The following SYNE1 variants were observed in gnomAD, a reference collection of about 807,000 sequenced individuals.
The protein encoded by SYNE1 is nesprin-1.
A neutral mutation model predicts 1,111.0 loss-of-function variants in SYNE1; 616 were observed. The ratio of observed to expected loss-of-function variants is 0.55; its 90% confidence interval spans 0.52 to 0.59. The LOEUF is 0.59. SYNE1 is among the 20% of genes least tolerant of loss of function. SYNE1 has a pLI of 0.00. For synonymous variants in SYNE1, 3,855 were observed against 3,825.8 expected (o/e 1.01, Z -0.28); for missense variants, 10,006 against 10,417.0 (o/e 0.96, Z 1.72).
chr6:152,223,495 C>T (rs564124276), intron 117 of SYNE1, among the ~76,000 whole-genome samples: 16 of 152,118 alleles, frequency 1.1e-4, no homozygotes, highest in African/African-American at 2.9e-4. Context: ...AGGCACATGC[C>T]GTAATCCCAG....
intron 109 of SYNE1, 95 bp from the exon 110 acceptor site, chr6:152,236,398 C>CTG (rs1201500644): frequency 1.1e-6 from 1 of 908,628 alleles, no homozygotes; most frequent in East Asian, 2.6e-5. Flanking sequence ...TTCCCATTAC[C>CTG]TGTTATTCAA....
In SYNE1 at chr6:152,628,451, C is replaced by A; in HGVS notation, c.-120G>T. 9.8e-7 allele frequency: 1 copy of A among 1,020,700 alleles called. No individual in the cohort carries two copies. Among genetic ancestry groups the A allele is most frequent in the Middle Eastern group, 2.0e-4 (1 of 4,966 alleles). The allele number at this position is 1,020,700 out of a possible 1,614,324, so 63.2% of individuals were successfully genotyped here. A position where few individuals can be genotyped will look rare whatever the true frequency, so the allele number is the denominator to read the frequency against. ...AGATCTATTCTGTCATAAATGAATT[C>A]CAGGCCTTTGCAGCACTCAACAAGG... On this transcript the variant is annotated 5_prime_UTR_variant, in exon 3 of 146. Transcript: ENST00000367255.
chr6:152,167,634 T>C, intron 130 of SYNE1: 1 of 432,160 alleles, frequency 2.3e-6, no homozygotes, highest in Non-Finnish European at 4.7e-6. Context: ...AAAGCAACTT[T>C]CTCAAACACA....
Position 152,413,413 on chromosome 6 carries a change from C to T in SYNE1, c.6169G>A (p.Asp2057Asn), listed in dbSNP as rs1483617774. 2 of 1,614,130 alleles carry T rather than the reference C, an allele frequency of 1.2e-6. No homozygotes were observed. Among genetic ancestry groups the T allele is most frequent in the South Asian group, 2.2e-5 (2 of 91,082 alleles). ...QKDVAFAPEV[D>N]REINRLEVTW... ...ACCTCTAAGCGGTTTATCTCCCTGT[C>T]AACTTCAGGTGCAAAAGCTACATCT... The change falls in exon 42 of 146, where the codon GAC (aspartate) becomes AAC (asparagine). Residue 2057 changes from aspartate to asparagine, a missense_variant. Transcript: ENST00000367255.
intron 87 of SYNE1, among the ~76,000 whole-genome samples, chr6:152,314,566 G>A (rs574083831): frequency 6.6e-6 from 1 of 152,054 alleles, no homozygotes; most frequent in East Asian, 1.9e-4. Flanking sequence ...CCTTCTATCT[G>A]TCCCCTCCCC....
Position 152,256,761 on chromosome 6 carries a change from T to C in SYNE1, c.18977A>G (p.Tyr6326Cys). ...AGACAAGAGTCGATTTGGCCTGCTATAAAGCTGTAGGCAAACAAAGGCAGC... is the reference window on the plus strand; with the variant it reads ...AGACAAGAGTCGATTTGGCCTGCTACAAAGCTGTAGGCAAACAAAGGCAGC... ...VLEQEQEQVLYSRPNRLLSGV... is the reference protein window; with the variant it reads ...VLEQEQEQVLCSRPNRLLSGV... Residue 6326 changes from tyrosine (Y) to cysteine (C), a missense_variant, in exon 102 of 146, where the codon TAT becomes TGT. Transcript: ENST00000367255. The C allele has an allele frequency of 6.2e-7, 1 of 1,613,688 alleles. No individual in the cohort carries two copies. The highest frequency in any genetic ancestry group is 8.5e-7 in the Non-Finnish European group (1 of 1,179,728).
At chr6:152,561,717 T>C (rs1228354041) in intron 3 of SYNE1, among the ~76,000 whole-genome samples, 2 of 151,996 alleles carry the variant, frequency 1.3e-5, no homozygotes, top group Non-Finnish European at 1.5e-5. Flanking sequence ...AAAAAAACAA[T>C]ACATGGATTG....
intron 91 of SYNE1, 170 bp from the exon 92 acceptor site, chr6:152,302,233 C>T: frequency 2.3e-6 from 2 of 868,920 alleles, no homozygotes; most frequent in Admixed American, 2.1e-5. Context: ...CGAGCCAGAC[C>T]GCAGGCTGCG....
chr6:152,283,815 G>A (rs547838244), intron 96 of SYNE1, among the ~76,000 whole-genome samples, 163 bp downstream of exon 96: 2 of 152,184 alleles, frequency 1.3e-5, no homozygotes, highest in Non-Finnish European at 2.9e-5. Flanking sequence ...GATTACAGGT[G>A]TGAACCACCC....
At chr6:152,145,337 G>C (rs1175154732) in intron 137 of SYNE1, 1 of 738,616 alleles carries the variant, frequency 1.4e-6, no homozygotes, top group African/African-American at 1.8e-5. Context: ...GATTTAACCA[G>C]CTGTTTTTTC....
Position 152,511,112 on chromosome 6 carries a change from A to G in SYNE1, c.310-9T>C. Reference sequence around the variant, plus strand: ...ATGTTGACTAATTTAATCTGTTTAAAAAAGAGAAACTGTACTAGTAATGTA... The same window carrying G: ...ATGTTGACTAATTTAATCTGTTTAAGAAAGAGAAACTGTACTAGTAATGTA... On this transcript the variant is annotated splice_polypyrimidine_tract_variant and intron_variant, in intron 6 of 145. Transcript: ENST00000367255. 1 of 1,610,588 alleles carries G rather than the reference A, an allele frequency of 6.2e-7. No individual in the cohort carries two copies. Among genetic ancestry groups the G allele is most frequent in the East Asian group, 2.2e-5 (1 of 44,852 alleles).
chr6:152,237,691 C>T (rs116623835), intron 108 of SYNE1, among the ~76,000 whole-genome samples: 204 of 152,098 alleles, frequency 1.3e-3, no homozygotes, highest in African/African-American at 4.7e-3. Context: ...TTTCATGTAA[C>T]GAGTAAACAA....
At chr6:152,339,946 T>C (rs1178318039) in intron 74 of SYNE1, among the ~76,000 whole-genome samples, 2 of 152,220 alleles carry the variant, frequency 1.3e-5, no homozygotes, top group African/African-American at 4.8e-5. Context: ...CTACTCAGGC[T>C]CCATTTTAGA....
chr6:152,493,479 A>G (rs1005164548), intron 11 of SYNE1, among the ~76,000 whole-genome samples: 1 of 152,196 alleles, frequency 6.6e-6, no homozygotes, highest in African/African-American at 2.4e-5. Flanking sequence ...GCAAGGCTTC[A>G]GGGACAGCGC....
intron 84 of SYNE1, among the ~76,000 whole-genome samples, chr6:152,320,512 A>G (rs917543644): frequency 3.3e-5 from 5 of 152,148 alleles, no homozygotes. Context: ...TTAAGCCACC[A>G]AGAGAGTCCG....
In SYNE1 at chr6:152,458,848, G is replaced by A; in HGVS notation, c.2477C>T (p.Ser826Phe). Reference protein sequence around the residue: ...PLEELEKQMTSFYDSLGKINE... With the variant: ...PLEELEKQMTFFYDSLGKINE... ...GATTTTCCCAAGTGAGTCATAAAAG[G>A]ACGTCATCTGCTTTTCTAATTCCTC... The change falls in exon 22 of 146, where the codon TCC becomes TTC. Residue 826 changes from serine to phenylalanine, a missense_variant. Coordinates refer to ENST00000367255, the MANE Select transcript of SYNE1 (RefSeq NM_182961.4). 1 of 1,614,044 alleles carries A rather than the reference G, an allele frequency of 6.2e-7. No individual in the cohort carries two copies. The highest frequency in any genetic ancestry group is 8.5e-7 in the Non-Finnish European group (1 of 1,179,970).
intron 41 of SYNE1, among the ~76,000 whole-genome samples, chr6:152,415,296 A>G (rs1214970195): frequency 1.3e-5 from 2 of 152,212 alleles, no homozygotes; most frequent in African/African-American, 4.8e-5. Flanking sequence ...ACAAAAGCTC[A>G]GCTTTGCTTA....
At position 152,189,331 on chromosome 6, in the gene SYNE1, T is replaced by C. The variant is rs34974663; in HGVS notation, c.23222A>G (p.Tyr7741Cys). 813 of 1,614,134 alleles carry C rather than the reference T, an allele frequency of 5.0e-4. No individual in the cohort carries two copies. The highest frequency in any genetic ancestry group is 6.8e-4 in the Non-Finnish European group (801 of 1,179,994). ...AATGGAGATATCATCAGCACTGATA[T>C]AGGCAGAGAGGGTGTCCTTCAGCAG... is the stretch of plus-strand genomic sequence containing the variant. ...LSLLKDTLSA[Y>C]ISADDISILN... Residue 7741 changes from tyrosine to cysteine, a missense_variant, in exon 128 of 146, where the codon TAT becomes TGT. Coordinates refer to ENST00000367255, the MANE Select transcript of SYNE1 (RefSeq NM_182961.4).
intron 3 of SYNE1, among the ~76,000 whole-genome samples, chr6:152,561,924 G>T (rs963125324): frequency 6.6e-6 from 1 of 152,136 alleles, no homozygotes; most frequent in African/African-American, 2.4e-5. Context: ...ACAGATTAAA[G>T]ATTTAAACGT....
Sources: allele counts gnomAD v4.1 joint callset (sites outside exome capture counted in the v4.1 genomes callset), GRCh38; gene constraint gnomAD v4.1.1; transcripts MANE v1.5; gene names NCBI Gene and HGNC (gene_info 2026-07-23, HGNC 2026-07-21).